Variants in MSMB observed in about 807,000 individuals in gnomAD.
MSMB encodes the protein microseminoprotein beta.
In MSMB, 10 loss-of-function variants were observed where a neutral mutation model predicts 10.5. The observed-to-expected ratio is 0.95, with a 90% confidence interval of 0.59 to 1.62. The LOEUF is 1.62. Among genes scored for constraint, MSMB ranks in the 40% most tolerant of loss-of-function variants. The pLI, the probability that MSMB is intolerant of heterozygous loss-of-function variation, is 0.00. For missense variants in MSMB, 126 were observed against 137.4 expected (o/e 0.92, Z 0.42); for synonymous variants, 43 against 46.5 (o/e 0.93, Z 0.30).
At chr10:46,042,066 T>TA (rs1840766885) in intron 1 of MSMB, among the ~76,000 whole-genome samples, 1 of 152,136 alleles carries the variant, frequency 6.6e-6, no homozygotes, top group South Asian at 2.1e-4. Context: ...ATTCAAGGTT[T>TA]AAGTTTTTAC....
chr10:46,033,442 CAG>C lies in MSMB; in HGVS notation c.323_324del (p.Ser108CysfsTer3), dbSNP rs1564933230. ...GCACATTAGATTATCCATTCACTGA[CAG>C]AACAGGTCTTTTTTGGGTCCTTCTT... ...VEKKDPKKTC[S>X]VSEWII On this transcript the variant is annotated frameshift_variant, in exon 4 of 4. Transcript: ENST00000582163. LOFTEE classifies it low-confidence loss of function (END_TRUNC). The C allele has an allele frequency of 6.2e-7, 1 of 1,613,878 alleles. No homozygotes were observed. Among genetic ancestry groups the C allele is most frequent in the Admixed American group, 1.7e-5 (1 of 60,020 alleles).
chr10:46,040,013 C>G lies in MSMB; in HGVS notation c.82G>C (p.Glu28Gln). The G allele has an allele frequency of 6.2e-7, 1 of 1,613,926 alleles. No individual in the cohort carries two copies. Among genetic ancestry groups the G allele is most frequent in the Non-Finnish European group, 8.5e-7 (1 of 1,179,820 alleles). Reference sequence around the variant, plus strand: ...CTGGTTGAATCTCCTGGAACTCCCTCATTAGGTATGAAATAGCATGATGCA... The same window carrying G: ...CTGGTTGAATCTCCTGGAACTCCCTGATTAGGTATGAAATAGCATGATGCA... Reference protein sequence around the residue: ...CNASCYFIPNEGVPGDSTRKC... With the variant: ...CNASCYFIPNQGVPGDSTRKC... Residue 28 changes from glutamate to glutamine, a missense_variant, in exon 2 of 4, where the codon GAG (glutamate) becomes CAG (glutamine). Coordinates refer to ENST00000582163, the MANE Select transcript of MSMB (RefSeq NM_002443.4).
chr10:46,041,778 A>G (rs1840759414), intron 1 of MSMB, among the ~76,000 whole-genome samples: 1 of 151,846 alleles, frequency 6.6e-6, no homozygotes, highest in Admixed American at 6.6e-5. Flanking sequence ...TGGGCAACAG[A>G]GTGAAACCCT....
At chr10:46,046,184 A>G (rs782025098) in intron 1 of MSMB, 51 bp downstream of exon 1, 1 of 1,562,440 alleles carries the variant, frequency 6.4e-7, no homozygotes, top group East Asian at 2.2e-5. Flanking sequence ...AAATAGGAAT[A>G]CATATTCTCT....
At chr10:46,039,139 A>G in intron 2 of MSMB, 68 bp from the exon 3 acceptor site, 1 of 1,342,586 alleles carries the variant, frequency 7.4e-7, no homozygotes, top group Non-Finnish European at 1.1e-6. Context: ...CAGGACATTG[A>G]GTCCTGCCCC....
intron 3 of MSMB, among the ~76,000 whole-genome samples, chr10:46,034,310 G>A (rs1348561114): frequency 1.3e-5 from 2 of 151,276 alleles, no homozygotes; most frequent in South Asian, 2.1e-4. Flanking sequence ...ATGGCGGGTC[G>A]GCGCGGGGGA....
rs116133689 is a variant in MSMB at position 46,043,344 on chromosome 10, T to G, written c.3+2891A>C. 2.5e-3 allele frequency among the ~76,000 whole-genome samples: 376 copies of G among 152,274 alleles called. 1 individual carries two copies. Among genetic ancestry groups the G allele is most frequent in the African/African-American group, 8.5e-3 (353 of 41,546 alleles). The stretch of plus-strand genomic sequence containing the variant: ...CATGGTGACAGCAGAGAGCAAATTA[T>G]TTAATTTTGAGATTATCCACTTGAC... On this transcript the variant is annotated intron_variant, in intron 1 of 3. Coordinates refer to ENST00000582163, the MANE Select transcript of MSMB (RefSeq NM_002443.4).
chr10:46,039,051 T>C lies in MSMB; in HGVS notation c.130A>G (p.Asn44Asp). The change falls in exon 3 of 4, where the codon AAC (asparagine) becomes GAC (aspartate). Residue 44 changes from asparagine (N) to aspartate (D), a missense_variant. By Grantham distance (23) the Asn-to-Asp change is conservative. Coordinates refer to ENST00000582163, the MANE Select transcript of MSMB (RefSeq NM_002443.4). ...STRKCMDLKG[N>D]KHPINSEWQT... Reference sequence around the variant, plus strand: ...CACTCCGAGTTTATTGGGTGTTTGTTTCCTTTGAGATCCATGCATTCTAAA... The same window carrying C: ...CACTCCGAGTTTATTGGGTGTTTGTCTCCTTTGAGATCCATGCATTCTAAA... 6.2e-7 allele frequency: 1 copy of C among 1,614,100 alleles called. No individual in the cohort carries two copies. Among genetic ancestry groups the C allele is most frequent in the Non-Finnish European group, 8.5e-7 (1 of 1,179,974 alleles).
At chr10:46,042,942 C>A (rs954806190) in intron 1 of MSMB, among the ~76,000 whole-genome samples, 4 of 152,122 alleles carry the variant, frequency 2.6e-5, no homozygotes, top group African/African-American at 9.7e-5. Context: ...TTTATAGCCA[C>A]AAAGAAAGAA....
chr10:46,040,050 C>A lies in MSMB; in HGVS notation c.45G>T (p.Val15=). 1.2e-6 allele frequency: 2 copies of A among 1,613,986 alleles called. No individual in the cohort carries two copies. Among genetic ancestry groups the A allele is most frequent in the South Asian group, 1.1e-5 (1 of 91,058 alleles). Residue 15 remains valine (V), a synonymous_variant, in exon 2 of 4, where the codon GTG becomes GTT. Coordinates refer to ENST00000582163, the MANE Select transcript of MSMB (RefSeq NM_002443.4). ...LGSVVIFATF[V]TLCNASCYFI... ...AATAGCATGATGCATTGCATAAAGT[C>A]ACGAAGGTGGCAAAGATCACAACGC...
chr10:46,043,878 T>C (rs907535830), intron 1 of MSMB, among the ~76,000 whole-genome samples: 5 of 151,794 alleles, frequency 3.3e-5, no homozygotes, highest in Non-Finnish European at 7.4e-5. Context: ...TTTCATCATG[T>C]TGGCCAGGCT....
intron 2 of MSMB, 47 bp from the exon 3 acceptor site, chr10:46,039,118 A>G: frequency 3.9e-6 from 6 of 1,539,732 alleles, no homozygotes; most frequent in Non-Finnish European, 5.4e-6. Flanking sequence ...TGCAATGAGA[A>G]CAAGGCCTAT....
rs1264702000 is a variant in MSMB at position 46,040,065 on chromosome 10, G to A, written c.30C>T (p.Ile10=). 1 of 1,613,786 alleles carries A rather than the reference G, an allele frequency of 6.2e-7. No homozygotes were observed. Among genetic ancestry groups the A allele is most frequent in the East Asian group, 2.2e-5 (1 of 44,886 alleles). Residue 10 remains isoleucine, a synonymous_variant, in exon 2 of 4, where the codon ATC becomes ATT. Coordinates refer to ENST00000582163, the MANE Select transcript of MSMB (RefSeq NM_002443.4). MNVLLGSVV[I]FATFVTLCNA... is the part of the protein sequence containing the mutation. Reference sequence around the variant, plus strand: ...TGCATAAAGTCACGAAGGTGGCAAAGATCACAACGCTGCCCAGGAGAACAT... The same window carrying A: ...TGCATAAAGTCACGAAGGTGGCAAAAATCACAACGCTGCCCAGGAGAACAT...
chr10:46,045,370 A>G (rs1840869624), intron 1 of MSMB, among the ~76,000 whole-genome samples: 1 of 152,018 alleles, frequency 6.6e-6, no homozygotes, highest in Non-Finnish European at 1.5e-5. Context: ...TATCTCTAAA[A>G]CAAATACAAA....
chr10:46,042,522 T>C (rs1840776653), intron 1 of MSMB, among the ~76,000 whole-genome samples: 2 of 152,224 alleles, frequency 1.3e-5, no homozygotes. Context: ...ATCCACATTC[T>C]TAAAACCGTT....
chr10:46,037,794 C>T (rs540412915), intron 3 of MSMB, among the ~76,000 whole-genome samples: 1 of 152,268 alleles, frequency 6.6e-6, no homozygotes, highest in Non-Finnish European at 1.5e-5. Context: ...CTTCAGGAGC[C>T]CATCTGGAAT....
At chr10:46,038,388 C>T (rs965689467) in intron 3 of MSMB, among the ~76,000 whole-genome samples, 43 of 151,398 alleles carry the variant, frequency 2.8e-4, no homozygotes, top group Admixed American at 1.1e-3. Context: ...CCCGGGTTCA[C>T]GCCATTCTCC....
At chr10:46,044,304 C>T (rs1290804489) in intron 1 of MSMB, among the ~76,000 whole-genome samples, 3 of 151,344 alleles carry the variant, frequency 2.0e-5, no homozygotes, top group Non-Finnish European at 2.9e-5. Context: ...TGGCTGGGCG[C>T]GGTGGCTCAC....
At chr10:46,042,202 A>G (rs983451433) in intron 1 of MSMB, among the ~76,000 whole-genome samples, 6 of 152,220 alleles carry the variant, frequency 3.9e-5, no homozygotes, top group Non-Finnish European at 2.9e-5. Flanking sequence ...TCAAATTTTC[A>G]GAACAATATC....
Sources: allele counts gnomAD v4.1 joint callset (sites outside exome capture counted in the v4.1 genomes callset), GRCh38; gene constraint gnomAD v4.1.1; transcripts MANE v1.5; gene names NCBI Gene and HGNC (gene_info 2026-07-23, HGNC 2026-07-21).